PDHX: variants seen among roughly 807,000 people sequenced by gnomAD.
The protein encoded by PDHX is pyruvate dehydrogenase complex component X, also known as pyruvate dehydrogenase protein X component, mitochondrial.
In PDHX, 33 loss-of-function variants were observed where a neutral mutation model predicts 55.3. That is an observed-to-expected ratio of 0.60 (90% CI 0.45 to 0.80). The LOEUF (loss-of-function observed/expected upper bound fraction) is 0.80. PDHX is among the 30% of genes least tolerant of loss of function. The probability of loss-of-function intolerance (pLI) is 0.00; values close to 1 mark genes in which losing one functional copy is unlikely to be tolerated. For missense variants in PDHX, 622 were observed against 619.9 expected, an observed-to-expected ratio of 1.00 and a Z score of -0.04; for synonymous variants, 226 against 219.4, an observed-to-expected ratio of 1.03 and a Z score of -0.27.
intron 1 of PDHX, 124 bp from the exon 2 acceptor site, chr11:34,931,280 C>A (rs539640582): frequency 1.5e-6 from 1 of 687,692 alleles, no homozygotes; most frequent in African/African-American, 1.8e-5. Flanking sequence ...AGTTGGGAAT[C>A]TTTTAGACTT....
chr11:34,960,352 C>T, intron 4 of PDHX, 68 bp from the exon 5 acceptor site: 3 of 1,026,474 alleles, frequency 2.9e-6, no homozygotes, highest in South Asian at 1.3e-5. Context: ...AAACTGTTGA[C>T]ATTTAGATCT....
intron 2 of PDHX, among the ~76,000 whole-genome samples, chr11:34,933,567 A>T (rs1026880806): frequency 6.6e-6 from 1 of 152,200 alleles, no homozygotes; most frequent in Non-Finnish European, 1.5e-5. Flanking sequence ...CGACCCTGTG[A>T]TGGTAAATTT....
At chr11:34,942,916 A>G (rs917478581) in intron 2 of PDHX, among the ~76,000 whole-genome samples, 4 of 152,278 alleles carry the variant, frequency 2.6e-5, no homozygotes, top group Admixed American at 2.6e-4. Flanking sequence ...GTGAATAGAT[A>G]TAGTTTTTTA....
intron 2 of PDHX, among the ~76,000 whole-genome samples, chr11:34,945,342 T>G (rs1425485505): frequency 1.3e-5 from 2 of 152,220 alleles, no homozygotes; most frequent in Non-Finnish European, 2.9e-5. Context: ...ACTTGTTTCT[T>G]ATAGCCCATG....
chr11:34,940,193 A>G (rs1001577601), intron 2 of PDHX, among the ~76,000 whole-genome samples: 1 of 152,200 alleles, frequency 6.6e-6, no homozygotes, highest in African/African-American at 2.4e-5. Context: ...TAATTCCATC[A>G]AGCACTTAGC....
chr11:34,990,817 T>C (rs1855740345), intron 9 of PDHX, among the ~76,000 whole-genome samples: 1 of 152,244 alleles, frequency 6.6e-6, no homozygotes, highest in South Asian at 2.1e-4. Flanking sequence ...TTTTTAGATT[T>C]TTGATATTTT....
At chr11:34,972,610 G>A (rs1173721674) in intron 7 of PDHX, among the ~76,000 whole-genome samples, 2 of 151,946 alleles carry the variant, frequency 1.3e-5, no homozygotes, top group South Asian at 4.2e-4. Flanking sequence ...TGTTGGCCAC[G>A]CTGGTCTCAA....
intron 9 of PDHX, among the ~76,000 whole-genome samples, chr11:34,990,789 G>A (rs930136297): frequency 6.6e-6 from 1 of 152,172 alleles, no homozygotes; most frequent in Non-Finnish European, 1.5e-5. Context: ...TCTGTTGGCA[G>A]TACGTTACAG....
Position 34,974,129 on chromosome 11 carries a change from C to T in PDHX, c.964+3843C>T, listed in dbSNP as rs1438768349. Among the ~76,000 whole-genome samples, 7 of 152,202 alleles carry T rather than the reference C, an allele frequency of 4.6e-5. No individual in the cohort carries two copies. In the South Asian group the frequency reaches 6.2e-4, roughly 14 times the overall value. On this transcript the variant is annotated intron_variant, in intron 7 of 10. Coordinates refer to ENST00000227868, the MANE Select transcript of PDHX (RefSeq NM_003477.3). ...CCATTGCCACCATTCATCTGCAGAA[C>T]GTTTTTCATCCTGCAAAATGGAAAC...
At position 34,991,448 on chromosome 11, in the gene PDHX, A is replaced by C. The variant is rs960383602; in HGVS notation, c.1183-867A>C. Among the ~76,000 whole-genome samples, 4 of 152,232 alleles carry C rather than the reference A, an allele frequency of 2.6e-5. No individual in the cohort carries two copies. The East Asian group carries it at 7.7e-4, about 29-fold the overall frequency. ...CATTTCTGAAGGCTGACAACACAGA[A>C]GATACATATAATATTGAACAATTAA... On this transcript the variant is annotated intron_variant, in intron 9 of 10. Transcript: ENST00000227868.
chr11:34,984,105 T>C (rs181179744), intron 8 of PDHX, among the ~76,000 whole-genome samples: 1 of 152,224 alleles, frequency 6.6e-6, no homozygotes, highest in Admixed American at 6.5e-5. Flanking sequence ...GATATCTCTT[T>C]TAAATAGGGA....
chr11:34,972,461 G>A (rs555612061), intron 7 of PDHX, among the ~76,000 whole-genome samples: 51 of 150,916 alleles, frequency 3.4e-4, no homozygotes, highest in African/African-American at 1.1e-3. Context: ...GCAGTGGTGC[G>A]ATCTCGGTTC....
chr11:34,958,899 G>T (rs1422258258), intron 4 of PDHX, among the ~76,000 whole-genome samples: 1 of 151,682 alleles, frequency 6.6e-6, no homozygotes, highest in Non-Finnish European at 1.5e-5. Context: ...ATTTTTTTTT[G>T]GTTGGTTGGT....
chr11:34,947,034 T>G (rs889396773), intron 2 of PDHX, among the ~76,000 whole-genome samples: 2 of 152,250 alleles, frequency 1.3e-5, no homozygotes. Context: ...CTTTATATGC[T>G]TTATTCATTT....
In PDHX at chr11:34,951,413, T is replaced by C. The variant is rs1300759675; in HGVS notation, c.342+3807T>C. Among the ~76,000 whole-genome samples, 75 of 152,198 alleles carry C rather than the reference T, an allele frequency of 4.9e-4. 1 individual carries two copies. Among genetic ancestry groups the C allele is most frequent in the African/African-American group, 1.6e-3 (68 of 41,532 alleles). On this transcript the variant is annotated intron_variant, in intron 3 of 10. Coordinates refer to ENST00000227868, the MANE Select transcript of PDHX (RefSeq NM_003477.3). ...CTAACTGGTGTGAGATGGTATCTCA[T>C]TGTGGTTTTGATTTGCATTTCTCTG... is the stretch of plus-strand genomic sequence containing the variant.
chr11:34,977,759 T>G (rs1855410708), intron 7 of PDHX: 2 of 459,134 alleles, frequency 4.4e-6, no homozygotes, highest in Non-Finnish European at 8.7e-6. Flanking sequence ...CTTGTAAACT[T>G]CCTGACTGCA....
rs760008299 is a variant in PDHX, at chr11:34,984,732, T to C, written c.1182+4T>C. Reference sequence around the variant, plus strand: ...GGAAATTGCTGACTCTGTAAAGGTATGTCTTAAGAAAGAGTGTGCTTTCAA... The same window carrying C: ...GGAAATTGCTGACTCTGTAAAGGTACGTCTTAAGAAAGAGTGTGCTTTCAA... On this transcript the variant is annotated splice_donor_region_variant and intron_variant, in intron 9 of 10. Coordinates refer to ENST00000227868, the MANE Select transcript of PDHX (RefSeq NM_003477.3). The C allele has an allele frequency of 6.2e-7, 1 of 1,613,462 alleles. No individual in the cohort carries two copies. Among genetic ancestry groups the C allele is most frequent in the Non-Finnish European group, 8.5e-7 (1 of 1,179,386 alleles).
At chr11:34,916,315 A>G, upstream of PDHX, 1 of 1,609,580 alleles carries the variant, frequency 6.2e-7, no homozygotes, top group Non-Finnish European at 8.5e-7. Flanking sequence ...GCGGCCTCCA[A>G]TCTCCGCACG....
intron 2 of PDHX, among the ~76,000 whole-genome samples, chr11:34,939,919 G>A (rs1327988830): frequency 6.6e-6 from 1 of 152,124 alleles, no homozygotes; most frequent in Non-Finnish European, 1.5e-5. Context: ...AAGGTCAATT[G>A]AGCTATCATT....
Sources: gnomAD v4.1 joint callset for allele counts (sites outside exome capture counted in the v4.1 genomes callset) on GRCh38, gnomAD v4.1.1 for gene constraint, MANE v1.5 for transcripts, NCBI Gene and HGNC (gene_info 2026-07-23, HGNC 2026-07-21) for gene names.